Variants in BBIP1 observed in about 807,000 individuals in gnomAD.
BBIP1 encodes BBSome interacting protein 1.
BBIP1 carries 6 observed loss-of-function variants against 8.9 expected under a neutral mutation model. That is an observed-to-expected ratio of 0.67 (90% CI 0.37 to 1.33). BBIP1 has a LOEUF of 1.33. Ranked by LOEUF, BBIP1 falls within the 40% of genes most tolerant of loss-of-function variation. BBIP1 has a pLI of 0.02. For missense variants in BBIP1, 111 were observed against 109.2 expected (o/e 1.02, Z -0.07); for synonymous variants, 32 against 33.4 (o/e 0.96, Z 0.14).
intron 2 of BBIP1, chr10:110,904,478 C>T (rs1846082444): frequency 6.6e-6 from 1 of 152,196 alleles, no homozygotes; most frequent in Admixed American, 6.5e-5. Flanking sequence ...GACATTTAAG[C>T]AAAGACTGCT....
chr10:110,909,059 G>A (rs574533183), intron 2 of BBIP1, among the ~76,000 whole-genome samples: 155 of 152,266 alleles, frequency 1.0e-3, no homozygotes, highest in South Asian at 3.5e-3. Context: ...TTAAGTAAAA[G>A]CTGTGATGGG....
chr10:110,909,203 CCTT>C (rs139340495), intron 2 of BBIP1, among the ~76,000 whole-genome samples: 44,831 of 151,468 alleles, frequency 0.3, 8,284 homozygotes, highest in Non-Finnish European at 0.39. Context: ...AAAAAGTTGG[CCTT>C]TTTTTTTTTT....
chr10:110,901,053 A>G (rs1380585974), intron 3 of BBIP1: 2 of 418,790 alleles, frequency 4.8e-6, no homozygotes, highest in African/African-American at 2.1e-5. Context: ...TGGGATGCCA[A>G]AGGGGTTGGA....
At chr10:110,917,563 A>T (rs1299242703) in intron 2 of BBIP1, among the ~76,000 whole-genome samples, 1 of 152,194 alleles carries the variant, frequency 6.6e-6, no homozygotes, top group Non-Finnish European at 1.5e-5. Context: ...TGGGGAAAAA[A>T]ATCATGTCAG....
rs371855596 is a variant in BBIP1, at chr10:110,918,132, G to A, written c.26C>T (p.Pro9Leu). The change falls in exon 2 of 4, where the codon CCA becomes CTA. Residue 9 changes from proline to leucine, a missense_variant. Transcript: ENST00000448814. The part of the protein sequence containing the change: MLKAAAKR[P>L]ELSGKNTISN... Reference sequence around the variant, plus strand: ...ATTTTCAATTTTACCTGAAAGTTCTGGTCTTTTTGCTGCAGCTTTAAGCAT... The same window carrying A: ...ATTTTCAATTTTACCTGAAAGTTCTAGTCTTTTTGCTGCAGCTTTAAGCAT... The A allele has an allele frequency of 1.4e-5, 21 of 1,535,856 alleles. No homozygotes were observed. The African/African-American group carries it at 1.9e-4, about 14-fold the overall frequency.
chr10:110,918,005 C>T (rs1846465241), intron 2 of BBIP1, 116 bp downstream of exon 2: 1 of 859,086 alleles, frequency 1.2e-6, no homozygotes, highest in African/African-American at 1.7e-5. Flanking sequence ...AGCAAAGAAA[C>T]AAGAGTAGTT....
chr10:110,900,698 G>T, intron 3 of BBIP1, 172 bp from the exon 4 acceptor site: 2 of 584,618 alleles, frequency 3.4e-6, no homozygotes, highest in Non-Finnish European at 5.7e-6. Context: ...TTCTATAAGC[G>T]CATTTCTTAC....
chr10:110,915,428 A>G (rs1846379786), intron 2 of BBIP1, among the ~76,000 whole-genome samples: 1 of 152,218 alleles, frequency 6.6e-6, no homozygotes, highest in Non-Finnish European at 1.5e-5. Context: ...TGTTAGGATT[A>G]CAGGCATGAG....
At chr10:110,913,772 T>C (rs1022765024) in intron 2 of BBIP1, among the ~76,000 whole-genome samples, 2 of 152,230 alleles carry the variant, frequency 1.3e-5, no homozygotes, top group Admixed American at 1.3e-4. Context: ...TGAAGCATTT[T>C]GAGATTCTCA....
chr10:110,907,526 A>AG (rs974633522), intron 2 of BBIP1: 46 of 498,100 alleles, frequency 9.2e-5, no homozygotes, highest in South Asian at 3.8e-4. Flanking sequence ...AAAAAAAAAA[A>AG]AAAAGAAAAG....
intron 2 of BBIP1, among the ~76,000 whole-genome samples, chr10:110,916,136 T>C (rs181580094): frequency 2.0e-5 from 3 of 152,358 alleles, no homozygotes; most frequent in South Asian, 4.1e-4. Context: ...TTGCCTTACT[T>C]AAATCTGGAT....
chr10:110,917,041 A>G (rs1242983507), intron 2 of BBIP1, among the ~76,000 whole-genome samples: 1 of 152,190 alleles, frequency 6.6e-6, no homozygotes, highest in Non-Finnish European at 1.5e-5. Flanking sequence ...TTAAGCCTCT[A>G]GACTAACTTC....
chr10:110,909,506 C>T (rs1424945948), intron 2 of BBIP1, among the ~76,000 whole-genome samples: 2 of 152,190 alleles, frequency 1.3e-5, no homozygotes. Flanking sequence ...AAAAGGTTGG[C>T]TCTTATGTCA....
intron 2 of BBIP1, among the ~76,000 whole-genome samples, chr10:110,905,533 G>GC (rs1430874367): frequency 1.3e-5 from 2 of 151,478 alleles, no homozygotes; most frequent in African/African-American, 4.9e-5. Flanking sequence ...CTGCACTCCA[G>GC]CCTGGGCGAC....
chr10:110,915,197 C>T (rs1846372546), intron 2 of BBIP1, among the ~76,000 whole-genome samples: 1 of 152,102 alleles, frequency 6.6e-6, no homozygotes, highest in Non-Finnish European at 1.5e-5. Context: ...CGCTCTGTTG[C>T]TCAGGCTAGA....
chr10:110,908,970 T>G (rs1405302935), intron 2 of BBIP1, among the ~76,000 whole-genome samples: 1 of 152,216 alleles, frequency 6.6e-6, no homozygotes, highest in Non-Finnish European at 1.5e-5. Flanking sequence ...TCAAATAGTT[T>G]AGGTGCAGGT....
At chr10:110,907,516 A>G (rs1462702738) in intron 2 of BBIP1, 1 of 135,644 alleles carries the variant, frequency 7.4e-6, no homozygotes, top group Non-Finnish European at 1.4e-5. Context: ...TTGTCTCAAG[A>G]AAAAAAAAAA....
chr10:110,901,586 C>G lies in BBIP1; in HGVS notation c.64G>C (p.Asp22His). 2.6e-6 allele frequency: 4 copies of G among 1,535,602 alleles called. No homozygotes were observed. Among genetic ancestry groups the G allele is most frequent in the Non-Finnish European group, 3.5e-6 (4 of 1,146,500 alleles). The change falls in exon 3 of 4, where the codon GAT becomes CAT. Residue 22 changes from aspartate (D) to histidine (H), a missense_variant. Asp to His is a moderately conservative substitution (Grantham distance 81, BLOSUM62 -1). Transcript: ENST00000448814. ...AACATTGACTTCACTTCTGCCATAT[C>G]TGAGTTGTTGGATATAGTGTTTTTT... ...SGKNTISNNS[D>H]MAEVKSMFRE...
At chr10:110,916,136 T>G (rs181580094) in intron 2 of BBIP1, among the ~76,000 whole-genome samples, 8 of 152,358 alleles carry the variant, frequency 5.3e-5, no homozygotes, top group Admixed American at 5.2e-4. Flanking sequence ...TTGCCTTACT[T>G]AAATCTGGAT....
Sources: gnomAD v4.1 joint callset for allele counts (sites outside exome capture counted in the v4.1 genomes callset) on GRCh38, gnomAD v4.1.1 for gene constraint, MANE v1.5 for transcripts, NCBI Gene and HGNC (gene_info 2026-07-23, HGNC 2026-07-21) for gene names.